Variants in PIAS2 observed in about 807,000 individuals in gnomAD.
The protein encoded by PIAS2 is protein inhibitor of activated STAT 2, also known as E3 SUMO-protein ligase PIAS2.
Under a neutral mutation model 69.7 loss-of-function variants are expected in PIAS2, and 19 were observed. That is an observed-to-expected ratio of 0.27 (90% CI 0.19 to 0.40). The LOEUF (loss-of-function observed/expected upper bound fraction) is 0.40, where lower values mean the gene tolerates loss of function less well. Ranked by LOEUF, PIAS2 falls within the 10% of genes least tolerant of loss-of-function variation. The pLI is 1.00. For synonymous variants in PIAS2, 261 were observed against 263.2 expected (o/e 0.99, Z 0.08); for missense variants, 624 against 757.0 (o/e 0.82, Z 2.06).
chr18:46,804,772 T>C lies in PIAS2; in HGVS notation c.*7661A>G, dbSNP rs184370651. 76 of 152,376 alleles carry C rather than the reference T, an allele frequency of 5.0e-4. No homozygotes were observed. Among genetic ancestry groups the C allele is most frequent in the African/African-American group, 1.7e-3 (69 of 41,580 alleles). 9.4% of individuals were successfully genotyped at this position (152,376 alleles called of 1,614,324 possible). On this transcript the variant is annotated 3_prime_UTR_variant, in exon 14 of 14. Coordinates refer to ENST00000585916, the MANE Select transcript of PIAS2 (RefSeq NM_004671.5). ...CTATTTCACACCTCTGTTGACGCTA[T>C]TGGAGCACAACTTTGGTGGGGGCAG...
intron 2 of PIAS2, among the ~76,000 whole-genome samples, chr18:46,878,646 A>G (rs1359874222): frequency 6.6e-6 from 1 of 152,196 alleles, no homozygotes; most frequent in African/African-American, 2.4e-5. Context: ...AGGTGGGCGG[A>G]TCACCTGAGG....
upstream of PIAS2, among the ~76,000 whole-genome samples, chr18:46,919,002 T>A (rs1314669884): frequency 6.1e-5 from 9 of 146,396 alleles, no homozygotes; most frequent in Admixed American, 6.0e-4. Context: ...CGTGTATATA[T>A]ATATATGTGT....
Position 46,820,989 on chromosome 18 carries a change from T to C in PIAS2, c.1592A>G (p.Asp531Gly), listed in dbSNP as rs1487172337. The C allele has an allele frequency of 1.2e-6, 2 of 1,613,566 alleles. No homozygotes were observed. The highest frequency in any genetic ancestry group is 2.2e-5 in the East Asian group (1 of 44,874). Residue 531 changes from aspartate (D) to glycine (G), a missense_variant, in exon 12 of 14, where the codon GAC becomes GGC. By Grantham distance (94) the Asp-to-Gly change is moderately conservative (BLOSUM62 -1). Coordinates refer to ENST00000585916, the MANE Select transcript of PIAS2 (RefSeq NM_004671.5). ...DPAAIPPSLT[D>G]YSVPFHHTPI... ...CGTATGGTGGAATGGTACTGAGTAG[T>C]CTGTTAATGAAGGCGGAATAGCAGC...
At chr18:46,878,730 T>C (rs1349886814) in intron 2 of PIAS2, among the ~76,000 whole-genome samples, 1 of 152,170 alleles carries the variant, frequency 6.6e-6, no homozygotes, top group Non-Finnish European at 1.5e-5. Context: ...TAGCCAGATA[T>C]GGTGGCCCAT....
chr18:46,853,327 T>C (rs1712736666), intron 5 of PIAS2: 1 of 149,996 alleles, frequency 6.7e-6, no homozygotes, highest in South Asian at 2.1e-4. Flanking sequence ...TCTTAGCACA[T>C]CTAGGGCAAA....
chr18:46,834,363 C>T (rs1257028707), intron 9 of PIAS2, among the ~76,000 whole-genome samples: 1 of 152,102 alleles, frequency 6.6e-6, no homozygotes, highest in Non-Finnish European at 1.5e-5. Context: ...ACATTTGGCA[C>T]ATGTGGACAG....
intron 12 of PIAS2, chr18:46,816,519 C>A: frequency 4.5e-6 from 4 of 880,524 alleles, no homozygotes; most frequent in Non-Finnish European, 5.4e-6. Context: ...GCTCTGTTGC[C>A]CAGGCTGGAG....
intron 1 of PIAS2, among the ~76,000 whole-genome samples, chr18:46,906,619 C>T (rs183573308): frequency 8.6e-5 from 13 of 151,788 alleles, no homozygotes; most frequent in African/African-American, 2.9e-4. Context: ...AATAACAAAA[C>T]TTTATTGAAA....
intron 3 of PIAS2, among the ~76,000 whole-genome samples, chr18:46,861,210 A>G (rs643233): frequency 0.78 from 118,662 of 152,068 alleles, 47,146 homozygotes; most frequent in African/African-American, 0.92. Context: ...CTGCACTCCA[A>G]CCTGGGCGAC....
intron 1 of PIAS2, among the ~76,000 whole-genome samples, chr18:46,907,309 A>G (rs1224384264): frequency 3.3e-5 from 5 of 152,218 alleles, no homozygotes; most frequent in Non-Finnish European, 7.3e-5. Context: ...ATGGCCAATA[A>G]GCACATTCAA....
At chr18:46,896,165 CAAAAAA>C (rs1199712335) in intron 1 of PIAS2, among the ~76,000 whole-genome samples, 1 of 31,952 alleles carries the variant, frequency 3.1e-5, no homozygotes, top group Non-Finnish European at 6.2e-5. Flanking sequence ...AAGAAAAAAG[CAAAAAA>C]AAAAAAAAAA....
At chr18:46,843,096 T>C (rs2045661100) in intron 8 of PIAS2, among the ~76,000 whole-genome samples, 1 of 152,210 alleles carries the variant, frequency 6.6e-6, no homozygotes, top group Non-Finnish European at 1.5e-5. Context: ...TCTTTATCCT[T>C]GTTCTACCAA....
rs147985658 is a variant in PIAS2, at chr18:46,852,459, G to T, written c.726+2886C>A. On this transcript the variant is annotated intron_variant, in intron 5 of 13. Transcript: ENST00000585916. The stretch of plus-strand genomic sequence containing the variant: ...CACAACTGCCCATGGAGCTGCTGCA[G>T]GCCCCTGGCTCCAGGGATGCCAGAC... Among the ~76,000 whole-genome samples the T allele has an allele frequency of 1.7e-3, 252 of 152,294 alleles. 1 individual carries two copies. The highest frequency in any genetic ancestry group is 6.8e-3 in the Middle Eastern group (2 of 294).
At chr18:46,855,253 G>A in intron 5 of PIAS2, 92 bp downstream of exon 5, 2 of 750,954 alleles carry the variant, frequency 2.7e-6, no homozygotes, top group East Asian at 2.5e-5. Context: ...ACTGTTCACT[G>A]GTATTCAGCT....
chr18:46,815,812 C>T, intron 12 of PIAS2: 1 of 994,074 alleles, frequency 1.0e-6, no homozygotes, highest in Non-Finnish European at 1.2e-6. Context: ...GCTCTCTGTC[C>T]CCGCTGTCCC....
intron 9 of PIAS2, among the ~76,000 whole-genome samples, chr18:46,835,632 G>A (rs916419984): frequency 1.3e-5 from 2 of 151,788 alleles, no homozygotes; most frequent in African/African-American, 4.8e-5. Flanking sequence ...TAAAACTCTA[G>A]GATACTTTTC....
rs531411527 is a variant in PIAS2, at chr18:46,838,811, C to A, written c.1042-2294G>T. Among the ~76,000 whole-genome samples, 3 of 152,188 alleles carry A rather than the reference C, an allele frequency of 2.0e-5. No homozygotes were observed. In the South Asian group the frequency reaches 6.2e-4, roughly 32 times the overall value. The stretch of plus-strand genomic sequence containing the variant: ...AAACCACACACTCACTGAGACACAG[C>A]TGATGGAGCTATATCACAAATCCAA... On this transcript the variant is annotated intron_variant, in intron 8 of 13. Transcript: ENST00000585916.
At position 46,890,589 on chromosome 18, in the gene PIAS2, T is replaced by C; in HGVS notation, c.490A>G (p.Thr164Ala). The C allele has an allele frequency of 6.2e-7, 1 of 1,605,058 alleles. No homozygotes were observed. Among genetic ancestry groups the C allele is most frequent in the South Asian group, 1.1e-5 (1 of 90,746 alleles). ...YDVLDVLIKPTSLVQSSIQRF... is the reference protein window; with the variant it reads ...YDVLDVLIKPASLVQSSIQRF... ...ATTCTCAAACACTTACCTAAACTCG[T>C]GGGCTTGATGAGAACATCAAGGACA... Residue 164 changes from threonine to alanine, a missense_variant, in exon 2 of 14, where the codon ACG (threonine) becomes GCG (alanine). Transcript: ENST00000585916.
chr18:46,844,106 T>C lies in PIAS2; in HGVS notation c.989A>G (p.Asp330Gly), dbSNP rs745539505. ...RALIKEKLTA[D>G]PDSEIATTSL... The stretch of plus-strand genomic sequence containing the variant: ...AGTTGTAGCAATTTCACTATCAGGA[T>C]CTGCAGTAAGTTTTTCTTTAACTTT... The change falls in exon 8 of 14, where the codon GAT becomes GGT. Residue 330 changes from aspartate (D) to glycine (G), a missense_variant. Transcript: ENST00000585916. The C allele has an allele frequency of 1.3e-6, 2 of 1,512,934 alleles. No individual in the cohort carries two copies. Among genetic ancestry groups the C allele is most frequent in the African/African-American group, 1.4e-5 (1 of 70,364 alleles). 93.7% of individuals were successfully genotyped at this position (1,512,934 alleles called of 1,614,324 possible). A position where few individuals can be genotyped will look rare whatever the true frequency, so the allele number is the denominator to read the frequency against.
Sources: allele counts gnomAD v4.1 joint callset (sites outside exome capture counted in the v4.1 genomes callset), GRCh38; gene constraint gnomAD v4.1.1; transcripts MANE v1.5; gene names NCBI Gene and HGNC (gene_info 2026-07-23, HGNC 2026-07-21).